Variants in DNAAF11 observed in about 807,000 individuals in gnomAD.
DNAAF11 encodes the protein leucine rich repeat containing 6.
A neutral mutation model predicts 60.8 loss-of-function variants in DNAAF11; 45 were observed. The ratio of observed to expected loss-of-function variants is 0.74; its 90% confidence interval spans 0.58 to 0.95. The LOEUF (loss-of-function observed/expected upper bound fraction) is 0.95, where lower values mean the gene tolerates loss of function less well. Ranked by LOEUF, DNAAF11 falls within the 40% of genes least tolerant of loss-of-function variation. The pLI, the probability that DNAAF11 is intolerant of heterozygous loss-of-function variation, is 0.00. For synonymous variants in DNAAF11, 191 were observed against 183.5 expected, an observed-to-expected ratio of 1.04 and a Z score of -0.33; for missense variants, 546 against 546.2, an observed-to-expected ratio of 1.00 and a Z score of 0.00.
chr8:132,572,163 A>C lies in DNAAF11; in HGVS notation c.*143T>G. On this transcript the variant is annotated 3_prime_UTR_variant, in exon 12 of 12. Transcript: ENST00000620350. ...TTTAAGCTATCTTAAGGATATTACT[A>C]TGCAAAGTAAGAGTTAAAACACTGG... is the stretch of plus-strand genomic sequence containing the variant. 3.2e-6 allele frequency: 2 copies of C among 621,184 alleles called. No individual in the cohort carries two copies. Among genetic ancestry groups the C allele is most frequent in the South Asian group, 2.8e-5 (1 of 35,590 alleles). The allele number at this position is 621,184 out of a possible 1,614,324, so 38.5% of individuals were successfully genotyped here. A position where few individuals can be genotyped will look rare whatever the true frequency, so the allele number is the denominator to read the frequency against.
At chr8:132,573,215 C>A (rs1264687239) in intron 11 of DNAAF11, among the ~76,000 whole-genome samples, 11 of 152,156 alleles carry the variant, frequency 7.2e-5, no homozygotes, top group Non-Finnish European at 1.6e-4. Context: ...GGGCCAGTAA[C>A]CTGTATTTTT....
chr8:132,599,804 C>G (rs1419500498), intron 10 of DNAAF11, among the ~76,000 whole-genome samples: 1 of 152,028 alleles, frequency 6.6e-6, no homozygotes, highest in African/African-American at 2.4e-5. Flanking sequence ...TATGACAAAC[C>G]CACAGCCAAT....
At chr8:132,634,086 A>T (rs1352068584) in intron 4 of DNAAF11, among the ~76,000 whole-genome samples, 2 of 152,328 alleles carry the variant, frequency 1.3e-5, no homozygotes, top group East Asian at 1.9e-4. Flanking sequence ...AATATAAATT[A>T]AAAAATTATT....
At chr8:132,678,454 C>A (rs1451154875), upstream of DNAAF11, among the ~76,000 whole-genome samples, 12 of 152,156 alleles carry the variant, frequency 7.9e-5, no homozygotes, top group Non-Finnish European at 1.6e-4. Context: ...AAAACTGGAA[C>A]CTCAACTTTG....
the DNAAF11 span, among the ~76,000 whole-genome samples, chr8:132,700,791 T>C: frequency 2.0e-5 from 3 of 152,138 alleles, no homozygotes; most frequent in Admixed American, 6.5e-5. Flanking sequence ...ATCAGTAGCC[T>C]TACCAAAATG....
At chr8:132,700,959 T>A in the DNAAF11 span, among the ~76,000 whole-genome samples, 1 of 152,168 alleles carries the variant, frequency 6.6e-6, no homozygotes, top group Non-Finnish European at 1.5e-5. Context: ...GGCTCACAGT[T>A]CTGAAATGTG....
intron 3 of DNAAF11, among the ~76,000 whole-genome samples, chr8:132,644,922 C>T (rs904754360): frequency 6.6e-6 from 1 of 152,324 alleles, no homozygotes; most frequent in Non-Finnish European, 1.5e-5. Flanking sequence ...CATAGTTGAA[C>T]AAAAGACAGG....
intron 10 of DNAAF11, among the ~76,000 whole-genome samples, chr8:132,593,586 T>C (rs2131095396): frequency 6.6e-6 from 1 of 151,524 alleles, no homozygotes; most frequent in Admixed American, 6.6e-5. Flanking sequence ...CCTAAATTTA[T>C]ATATAAATAC....
intron 10 of DNAAF11, among the ~76,000 whole-genome samples, chr8:132,597,477 T>C (rs1817136077): frequency 6.6e-6 from 1 of 152,254 alleles, no homozygotes; most frequent in South Asian, 2.1e-4. Context: ...AGCTAGGGCC[T>C]GACCTTCATC....
Position 132,637,807 on chromosome 8 carries a change from C to T in DNAAF11, c.429+128G>A, listed in dbSNP as rs569832839. ...AAAGGTCTAGCCATTCAAATAATTA[C>T]TTTGGGCTCTCTGGAATATTCCATT... On this transcript the variant is annotated intron_variant, in intron 4 of 11. Transcript: ENST00000620350. The T allele has an allele frequency of 6.1e-5, 43 of 707,062 alleles. No individual in the cohort carries two copies. The South Asian group carries it at 1.0e-3, about 17-fold the overall frequency. The allele number at this position is 707,062 out of a possible 1,614,324, so 43.8% of individuals were successfully genotyped here.
rs1369256837 is a variant in DNAAF11, at chr8:132,632,837, C to T, written c.556G>A (p.Glu186Lys). The change falls in exon 5 of 12, where the codon GAG (glutamate) becomes AAG (lysine). Residue 186 changes from glutamate to lysine, a missense_variant. Glu to Lys is a moderately conservative substitution (Grantham distance 56, BLOSUM62 1). Coordinates refer to ENST00000620350, the MANE Select transcript of DNAAF11 (RefSeq NM_012472.6). Reference sequence around the variant, plus strand: ...TCTTCTTGGTGTTTCCTCTGAGCCTCTTCCTTGAGTTTGGCTCGTTTAAGA... The same window carrying T: ...TCTTCTTGGTGTTTCCTCTGAGCCTTTTCCTTGAGTTTGGCTCGTTTAAGA... ...HCLKRAKLKE[E>K]AQRKHQEEDK... The T allele has an allele frequency of 6.2e-7, 1 of 1,613,662 alleles. No individual in the cohort carries two copies. Among genetic ancestry groups the T allele is most frequent in the African/African-American group, 1.3e-5 (1 of 74,916 alleles).
At chr8:132,634,494 A>G (rs1821100796) in intron 4 of DNAAF11, among the ~76,000 whole-genome samples, 1 of 152,136 alleles carries the variant, frequency 6.6e-6, no homozygotes, top group African/African-American at 2.4e-5. Flanking sequence ...GATAAATTCA[A>G]TGCAATAAAA....
chr8:132,597,956 A>C (rs1817195607), intron 10 of DNAAF11, among the ~76,000 whole-genome samples: 2 of 152,232 alleles, frequency 1.3e-5, no homozygotes, highest in Non-Finnish European at 2.9e-5. Flanking sequence ...TGGGAACAAA[A>C]TTTTAAAGGT....
upstream of DNAAF11, among the ~76,000 whole-genome samples, chr8:132,680,103 T>C (rs141207604): frequency 8.5e-4 from 130 of 152,332 alleles, 1 homozygote; most frequent in African/African-American, 3.1e-3. Flanking sequence ...ATGAAGGACA[T>C]GTGTACAATG....
At chr8:132,590,012 T>C (rs544108825) in intron 10 of DNAAF11, among the ~76,000 whole-genome samples, 2 of 152,322 alleles carry the variant, frequency 1.3e-5, no homozygotes, top group East Asian at 1.9e-4. Context: ...TTCATGTGGG[T>C]GTGACATGGT....
intron 4 of DNAAF11, 75 bp downstream of exon 4, chr8:132,637,860 G>T: frequency 7.8e-7 from 1 of 1,284,722 alleles, no homozygotes; most frequent in Non-Finnish European, 1.1e-6. Context: ...CACTGTTGCT[G>T]CCAGTAAAGC....
chr8:132,658,950 C>T lies in DNAAF11; in HGVS notation c.179-2043G>A, dbSNP rs80306795. The stretch of plus-strand genomic sequence containing the variant: ...AAAGGGAGTCTGAGTTCTAGCCAGA[C>T]CATTCTAGTAACAGTTCTCATCAAC... On this transcript the variant is annotated intron_variant, in intron 2 of 11. Transcript: ENST00000620350. Among the ~76,000 whole-genome samples, 5 of 152,122 alleles carry T rather than the reference C, an allele frequency of 3.3e-5. No individual in the cohort carries two copies. In the East Asian group the frequency reaches 9.6e-4, roughly 29 times the overall value.
intron 2 of DNAAF11, among the ~76,000 whole-genome samples, chr8:132,661,051 T>C (rs1320614344): frequency 6.6e-6 from 1 of 152,112 alleles, no homozygotes; most frequent in Non-Finnish European, 1.5e-5. Flanking sequence ...TCACAATAAA[T>C]ATAGCAAAAC....
At chr8:132,582,449 C>T (rs1815437238) in intron 11 of DNAAF11, among the ~76,000 whole-genome samples, 1 of 152,192 alleles carries the variant, frequency 6.6e-6, no homozygotes, top group African/African-American at 2.4e-5. Flanking sequence ...CTTTCCATTG[C>T]TGATTCCTCA....
Sources: gnomAD v4.1 joint callset for allele counts (sites outside exome capture counted in the v4.1 genomes callset) on GRCh38, gnomAD v4.1.1 for gene constraint, MANE v1.5 for transcripts, NCBI Gene and HGNC (gene_info 2026-07-23, HGNC 2026-07-21) for gene names.